The following SORL1 variants were observed in gnomAD, a reference collection of about 807,000 sequenced individuals.
SORL1 encodes sortilin related receptor 1.
A neutral mutation model predicts 273.7 loss-of-function variants in SORL1; 127 were observed. That is an observed-to-expected ratio of 0.46 (90% CI 0.40 to 0.54). The LOEUF (loss-of-function observed/expected upper bound fraction) is 0.54. Among genes scored for constraint, SORL1 ranks in the 20% least tolerant of loss-of-function variants. SORL1 has a pLI of 0.00. For missense variants in SORL1, 2,494 were observed against 2,846.1 expected, an observed-to-expected ratio of 0.88 and a Z score of 2.81; for synonymous variants, 1,031 against 1,067.4, an observed-to-expected ratio of 0.97 and a Z score of 0.66.
rs747310816 is a variant in SORL1, at chr11:121,557,345, C to A, written c.2603C>A (p.Thr868Lys). The A allele has an allele frequency of 5.0e-6, 8 of 1,614,042 alleles. No homozygotes were observed. The East Asian group carries it at 1.8e-4, about 36-fold the overall frequency. ...AATCCAGATGGCGACTTCCGACTCACAATCGTCAATTCCTCTGTGCTTGAT... is the reference window on the plus strand; with the variant it reads ...AATCCAGATGGCGACTTCCGACTCAAAATCGTCAATTCCTCTGTGCTTGAT... ...VANPDGDFRL[T>K]IVNSSVLDRP... The change falls in exon 19 of 48, where the codon ACA becomes AAA. Residue 868 changes from threonine (T) to lysine (K), a missense_variant. Thr to Lys is a moderately conservative substitution (Grantham distance 78). Around this residue, in one of 3 missense-constraint regions of SORL1, gnomAD observed 1,609 missense variants for 1,816.4 expected, o/e 0.89. Coordinates refer to ENST00000260197, the MANE Select transcript of SORL1 (RefSeq NM_003105.6).
chr11:121,483,041 T>A (rs1361038321), intron 3 of SORL1, among the ~76,000 whole-genome samples: 1 of 152,236 alleles, frequency 6.6e-6, no homozygotes, highest in Non-Finnish European at 1.5e-5. Flanking sequence ...GTGGGGCCCC[T>A]GAGATTGGTC....
At chr11:121,594,710 G>T (rs1295392446) in intron 31 of SORL1, among the ~76,000 whole-genome samples, 2 of 152,046 alleles carry the variant, frequency 1.3e-5, no homozygotes, top group African/African-American at 4.8e-5. Context: ...GCTCTGTTTG[G>T]CTTTCTGCCT....
At chr11:121,521,757 A>G (rs1464322297) in intron 9 of SORL1, among the ~76,000 whole-genome samples, 1 of 152,244 alleles carries the variant, frequency 6.6e-6, no homozygotes, top group African/African-American at 2.4e-5. Flanking sequence ...CAAGACAGAT[A>G]CTTGTTAGAG....
At chr11:121,552,139 A>C (rs1046148013) in intron 16 of SORL1, among the ~76,000 whole-genome samples, 3 of 152,214 alleles carry the variant, frequency 2.0e-5, no homozygotes, top group Admixed American at 6.5e-5. Context: ...AAAGAGAGAA[A>C]AAAAAAGGCA....
At chr11:121,616,922 A>G (rs1323074000) in intron 41 of SORL1, among the ~76,000 whole-genome samples, 2 of 152,244 alleles carry the variant, frequency 1.3e-5, no homozygotes, top group Non-Finnish European at 1.5e-5. Flanking sequence ...CATTTAGGAA[A>G]TACACTGGTT....
chr11:121,456,067 C>G (rs1388839177), intron 1 of SORL1, among the ~76,000 whole-genome samples: 1 of 152,036 alleles, frequency 6.6e-6, no homozygotes, highest in African/African-American at 2.4e-5. Flanking sequence ...GAGGGATTCC[C>G]TAATTCATGC....
chr11:121,553,596 G>T (rs143110148), intron 16 of SORL1, among the ~76,000 whole-genome samples: 4 of 152,240 alleles, frequency 2.6e-5, no homozygotes, highest in African/African-American at 9.6e-5. Context: ...GGCGATTGGT[G>T]TAATTAGGTT....
intron 23 of SORL1, among the ~76,000 whole-genome samples, chr11:121,573,545 G>A (rs1032149965): frequency 3.3e-5 from 5 of 152,102 alleles, no homozygotes; most frequent in Non-Finnish European, 7.4e-5. Context: ...CCTGGGAGGC[G>A]GAGGTTGCAG....
At chr11:121,619,642 TG>T in intron 42 of SORL1, 110 bp from the exon 43 acceptor site, 2 of 905,564 alleles carry the variant, frequency 2.2e-6, no homozygotes, top group South Asian at 3.4e-5. Context: ...TATGGTTTTT[TG>T]TACTAACTGA....
intron 41 of SORL1, among the ~76,000 whole-genome samples, chr11:121,617,586 C>T (rs765673300): frequency 2.0e-5 from 3 of 152,154 alleles, no homozygotes; most frequent in African/African-American, 4.8e-5. Context: ...TGTGGATCCC[C>T]GCTCAGTTCC....
intron 11 of SORL1, among the ~76,000 whole-genome samples, chr11:121,523,624 A>G (rs1862074302): frequency 6.6e-6 from 1 of 152,142 alleles, no homozygotes; most frequent in Non-Finnish European, 1.5e-5. Context: ...AAAAAAAAAA[A>G]AAAGTTGTTG....
Position 121,557,395 on chromosome 11 carries a change from C to A in SORL1, c.2653C>A (p.Pro885Thr), listed in dbSNP as rs760408510. Residue 885 changes from proline to threonine, a missense_variant, in exon 19 of 48, where the codon CCC (proline) becomes ACC (threonine). Physicochemically the swap from Pro to Thr is conservative, Grantham distance 38 (BLOSUM62 -1). Transcript: ENST00000260197. ...LDRPRALVLV[P>T]QEGVMFWTDW... ...TCGTCCCAGGGCTCTGGTCCTCGTGCCCCAAGAGGGGTAAGTGTTGCCCCA... is the reference window on the plus strand; with the variant it reads ...TCGTCCCAGGGCTCTGGTCCTCGTGACCCAAGAGGGGTAAGTGTTGCCCCA... 1.9e-6 allele frequency: 3 copies of A among 1,612,880 alleles called. No homozygotes were observed. Among genetic ancestry groups the A allele is most frequent in the Non-Finnish European group, 2.5e-6 (3 of 1,178,834 alleles).
At chr11:121,465,874 C>T (rs978238624) in intron 1 of SORL1, among the ~76,000 whole-genome samples, 1 of 152,008 alleles carries the variant, frequency 6.6e-6, no homozygotes, top group Non-Finnish European at 1.5e-5. Flanking sequence ...AGGCAGAGGG[C>T]GACAGAGCCG....
At chr11:121,538,183 ATT>A (rs11399955) in intron 12 of SORL1, among the ~76,000 whole-genome samples, 1 of 146,572 alleles carries the variant, frequency 6.8e-6, no homozygotes, top group Admixed American at 6.8e-5. Flanking sequence ...GGTGGCTCCT[ATT>A]TTTTTTTTTT....
Position 121,632,357 on chromosome 11 carries a change from C to T in SORL1, c.*2794C>T, listed in dbSNP as rs191043016. 1 of 152,130 alleles carries T rather than the reference C, an allele frequency of 6.6e-6. No individual in the cohort carries two copies. Among genetic ancestry groups the T allele is most frequent in the Non-Finnish European group, 1.5e-5 (1 of 68,036 alleles). The allele number at this position is 152,130 out of a possible 1,614,324, so 9.4% of individuals were successfully genotyped here. A position where few individuals can be genotyped will look rare whatever the true frequency, so the allele number is the denominator to read the frequency against. ...AGAGAGTGGAGTTCTACAGAGGATT[C>T]CAGGAAGAGGCCATGTCTGTGCAGT... On this transcript the variant is annotated 3_prime_UTR_variant, in exon 48 of 48. Transcript: ENST00000260197.
intron 1 of SORL1, among the ~76,000 whole-genome samples, chr11:121,453,710 G>T (rs529922459): frequency 3.3e-5 from 5 of 152,342 alleles, no homozygotes; most frequent in African/African-American, 4.8e-5. Context: ...GATCCAGGAC[G>T]AACCTTGTAA....
Position 121,470,118 on chromosome 11 carries a change from A to G in SORL1, c.397A>G (p.Ser133Gly), listed in dbSNP as rs761691535. Residue 133 changes from serine (S) to glycine (G), a missense_variant, in exon 2 of 48, where the codon AGT becomes GGT. Physicochemically the swap from Ser to Gly is moderately conservative, Grantham distance 56. Around this residue, in one of 3 missense-constraint regions of SORL1, gnomAD observed 710 missense variants for 882.5 expected, o/e 0.80. Transcript: ENST00000260197. ...DSLALARPKSSDVYVSYDYGK... is the reference protein window; with the variant it reads ...DSLALARPKSGDVYVSYDYGK... ...CCTGGCATTGGCGAGGCCCAAGAGC[A>G]GTGATGTAAGTGTTGTGTTGGCTCT... 3.1e-6 allele frequency: 5 copies of G among 1,608,886 alleles called. No individual in the cohort carries two copies. Among genetic ancestry groups the G allele is most frequent in the Non-Finnish European group, 4.3e-6 (5 of 1,175,350 alleles).
chr11:121,473,820 G>A (rs1169709019), intron 2 of SORL1, among the ~76,000 whole-genome samples: 4 of 152,280 alleles, frequency 2.6e-5, no homozygotes, highest in African/African-American at 7.2e-5. Flanking sequence ...ACTTGAATCC[G>A]GGAGGCGGAG....
Position 121,629,577 on chromosome 11 carries a change from A to T in SORL1, c.*14A>T. 1 of 1,328,252 alleles carries T rather than the reference A, an allele frequency of 7.5e-7. No individual in the cohort carries two copies. The highest frequency in any genetic ancestry group is 1.1e-6 in the Non-Finnish European group (1 of 919,288). The allele number at this position is 1,328,252 out of a possible 1,614,324, so 82.3% of individuals were successfully genotyped here. On this transcript the variant is annotated 3_prime_UTR_variant, in exon 48 of 48. Coordinates refer to ENST00000260197, the MANE Select transcript of SORL1 (RefSeq NM_003105.6). ...GTGATAGCCTGAAAGAGCTTTCCTC[A>T]CTAGAAACCAAATGGTGTAAATATT... is the stretch of plus-strand genomic sequence containing the variant.
Sources: gnomAD v4.1 joint callset for allele counts (sites outside exome capture counted in the v4.1 genomes callset) on GRCh38, gnomAD v4.1.1 for gene constraint, gnomAD v4.1.1 regional missense constraint, MANE v1.5 for transcripts, NCBI Gene and HGNC (gene_info 2026-07-23, HGNC 2026-07-21) for gene names.